The following NWD2 variants were observed in gnomAD, a reference collection of about 807,000 sequenced individuals.
NWD2 encodes NACHT and WD repeat domain-containing protein 2.
A neutral mutation model predicts 132.7 loss-of-function variants in NWD2; 37 were observed. The observed-to-expected ratio is 0.28, with a 90% CI of 0.21 to 0.37. The LOEUF is 0.37. Ranked by LOEUF, NWD2 falls within the 10% of genes least tolerant of loss-of-function variation. NWD2 has a pLI of 1.00. For missense variants in NWD2, 1,592 were observed against 2,122.4 expected, an observed-to-expected ratio of 0.75 and a Z score of 4.91; for synonymous variants, 705 against 803.0, an observed-to-expected ratio of 0.88 and a Z score of 2.06.
At chr4:37,297,107 C>T (rs539905060) in intron 1 of NWD2, among the ~76,000 whole-genome samples, 7 of 152,142 alleles carry the variant, frequency 4.6e-5, no homozygotes, top group African/African-American at 1.7e-4. Flanking sequence ...GTGTGTATAT[C>T]ACACACAGTA....
At chr4:37,256,254 C>G (rs1318490507) in intron 1 of NWD2, among the ~76,000 whole-genome samples, 1 of 152,108 alleles carries the variant, frequency 6.6e-6, no homozygotes, top group East Asian at 1.9e-4. Flanking sequence ...TGTAAACAAC[C>G]AAGAGAAGGC....
intron 3 of NWD2, among the ~76,000 whole-genome samples, chr4:37,414,626 C>T (rs981796899): frequency 6.6e-6 from 1 of 152,152 alleles, no homozygotes; most frequent in African/African-American, 2.4e-5. Flanking sequence ...TGCATAGTTT[C>T]TCATTCCAGA....
intron 2 of NWD2, among the ~76,000 whole-genome samples, chr4:37,341,014 G>C (rs1719507650): frequency 6.6e-6 from 1 of 152,164 alleles, no homozygotes; most frequent in Non-Finnish European, 1.5e-5. Flanking sequence ...TCTCACATTG[G>C]TGGAAATTTA....
At chr4:37,421,258 G>A (rs1560251473) in intron 3 of NWD2, among the ~76,000 whole-genome samples, 1 of 152,064 alleles carries the variant, frequency 6.6e-6, no homozygotes, top group Non-Finnish European at 1.5e-5. Context: ...TCTCAATTTT[G>A]TAAGGCAACT....
intron 2 of NWD2, among the ~76,000 whole-genome samples, chr4:37,345,860 C>T (rs763148917): frequency 3.3e-5 from 5 of 152,100 alleles, no homozygotes; most frequent in Non-Finnish European, 7.4e-5. Flanking sequence ...GCAGGTGGAT[C>T]ACCTGAGGTT....
At chr4:37,336,888 G>T (rs943286652) in intron 2 of NWD2, among the ~76,000 whole-genome samples, 10 of 143,002 alleles carry the variant, frequency 7.0e-5, no homozygotes, top group African/African-American at 2.6e-4. Context: ...GCAGTGGGCC[G>T]AGATCAAGAT....
At chr4:37,415,658 C>T (rs1711574468) in intron 3 of NWD2, among the ~76,000 whole-genome samples, 2 of 149,478 alleles carry the variant, frequency 1.3e-5, no homozygotes, top group South Asian at 2.1e-4. Flanking sequence ...GAGCCGAGAT[C>T]GCGCCACTGC....
intron 2 of NWD2, among the ~76,000 whole-genome samples, chr4:37,346,872 G>C (rs1719648113): frequency 6.6e-6 from 1 of 151,854 alleles, no homozygotes; most frequent in Admixed American, 6.6e-5. Flanking sequence ...TTTTTTCATT[G>C]CTAGTGTATA....
At chr4:37,349,272 T>C (rs1719714922) in intron 2 of NWD2, among the ~76,000 whole-genome samples, 1 of 152,164 alleles carries the variant, frequency 6.6e-6, no homozygotes, top group Non-Finnish European at 1.5e-5. Flanking sequence ...TCTTCCACAG[T>C]GGTCAAGCTA....
At chr4:37,308,152 G>A (rs537379655) in intron 1 of NWD2, among the ~76,000 whole-genome samples, 1 of 152,202 alleles carries the variant, frequency 6.6e-6, no homozygotes, top group South Asian at 2.1e-4. Flanking sequence ...TCCTTTTGAG[G>A]TGTTAATTTT....
chr4:37,323,128 A>T (rs562957231), intron 1 of NWD2, among the ~76,000 whole-genome samples: 1 of 152,198 alleles, frequency 6.6e-6, no homozygotes, highest in South Asian at 2.1e-4. Context: ...TACCTATTTC[A>T]TAGGGTTGTG....
intron 3 of NWD2, among the ~76,000 whole-genome samples, chr4:37,384,393 A>G (rs1037867803): frequency 6.6e-6 from 1 of 152,028 alleles, no homozygotes; most frequent in Non-Finnish European, 1.5e-5. Context: ...TAATAATTTT[A>G]TTGAGTTGTT....
chr4:37,420,688 CAAAAG>C (rs1253318673), intron 3 of NWD2, among the ~76,000 whole-genome samples: 1 of 151,924 alleles, frequency 6.6e-6, no homozygotes, highest in Non-Finnish European at 1.5e-5. Context: ...GTCTCAAAAA[CAAAAG>C]AATAAAAAGG....
intron 4 of NWD2, among the ~76,000 whole-genome samples, chr4:37,432,124 C>T (rs1337340325): frequency 6.6e-6 from 1 of 151,998 alleles, no homozygotes; most frequent in Non-Finnish European, 1.5e-5. Context: ...AGAAAATTCT[C>T]AGTCATCTTC....
At chr4:37,404,413 T>C (rs1335888376) in intron 3 of NWD2, among the ~76,000 whole-genome samples, 1 of 152,194 alleles carries the variant, frequency 6.6e-6, no homozygotes, top group East Asian at 1.9e-4. Context: ...CTCATCCCAA[T>C]ATGCCCAGTG....
chr4:37,251,354 C>A (rs778317720), intron 1 of NWD2, among the ~76,000 whole-genome samples: 2 of 152,186 alleles, frequency 1.3e-5, no homozygotes, highest in Non-Finnish European at 2.9e-5. Context: ...GTGGTTTATT[C>A]TTAACTGGTA....
intron 1 of NWD2, among the ~76,000 whole-genome samples, chr4:37,295,261 A>G (rs777762766): frequency 4.2e-4 from 64 of 152,140 alleles, no homozygotes; most frequent in Non-Finnish European, 7.2e-4. Flanking sequence ...GTTTTTGAAG[A>G]TTATCCAATC....
chr4:37,273,437 C>T (rs1283315687), intron 1 of NWD2, among the ~76,000 whole-genome samples: 2 of 152,044 alleles, frequency 1.3e-5, no homozygotes, highest in Non-Finnish European at 1.5e-5. Context: ...AAAGCAAGTC[C>T]TTAGAGACCT....
At chr4:37,254,258 T>G (rs1182032751) in intron 1 of NWD2, among the ~76,000 whole-genome samples, 2 of 152,230 alleles carry the variant, frequency 1.3e-5, no homozygotes, top group African/African-American at 4.8e-5. Flanking sequence ...AAAGTTCCAT[T>G]TTGTTGAGAA....
Sources: gnomAD v4.1 joint callset for allele counts (sites outside exome capture counted in the v4.1 genomes callset) on GRCh38, gnomAD v4.1.1 for gene constraint, MANE v1.5 for transcripts, NCBI Gene and HGNC (gene_info 2026-07-23, HGNC 2026-07-21) for gene names.